The following WWC1 variants were observed in gnomAD, a reference collection of about 807,000 sequenced individuals.
WWC1 encodes the protein WW and C2 domain containing 1, also known as protein KIBRA.
Under a neutral mutation model 138.4 loss-of-function variants are expected in WWC1, and 55 were observed. That is an observed-to-expected ratio of 0.40 (90% CI 0.32 to 0.50). The LOEUF is 0.50. Ranked by LOEUF, WWC1 falls within the 20% of genes least tolerant of loss-of-function variation. WWC1 has a pLI of 0.72. For synonymous variants in WWC1, 524 were observed against 564.9 expected (o/e 0.93, Z 1.03); for missense variants, 1,226 against 1,420.4 (o/e 0.86, Z 2.20).
At chr5:168,355,831 A>C (rs1245105215) in intron 1 of WWC1, among the ~76,000 whole-genome samples, 1 of 152,014 alleles carries the variant, frequency 6.6e-6, no homozygotes, top group Non-Finnish European at 1.5e-5. Context: ...AGGTAGAAAA[A>C]CTGAGAAAAT....
At chr5:168,294,199 G>C (rs1769319564) in intron 1 of WWC1, among the ~76,000 whole-genome samples, 1 of 152,152 alleles carries the variant, frequency 6.6e-6, no homozygotes, top group Non-Finnish European at 1.5e-5. Flanking sequence ...GGGTAAGTAA[G>C]TAGCTTCTAT....
intron 17 of WWC1, among the ~76,000 whole-genome samples, chr5:168,448,560 G>T (rs571660758): frequency 2.0e-5 from 3 of 151,618 alleles, no homozygotes; most frequent in Non-Finnish European, 4.4e-5. Context: ...TTGCTGGATC[G>T]CAGGGTGTGT....
chr5:168,359,226 T>C (rs919545797), intron 1 of WWC1, among the ~76,000 whole-genome samples: 1 of 152,096 alleles, frequency 6.6e-6, no homozygotes, highest in Non-Finnish European at 1.5e-5. Flanking sequence ...TGGCTAATTT[T>C]TTTGTATTGG....
intron 13 of WWC1, among the ~76,000 whole-genome samples, chr5:168,429,929 G>A (rs550679820): frequency 2.6e-5 from 4 of 151,984 alleles, no homozygotes; most frequent in Non-Finnish European, 5.9e-5. Flanking sequence ...GTGAGACCCT[G>A]TTTCAAAACA....
rs539408200 is a variant in WWC1 at position 168,446,270 on chromosome 5, A to G, written c.2525+1685A>G. ...AAAAAAAAAAAAAAAAAGGTTAGCA[A>G]GTGTTTCAGCAATGTTGAAGACATG... On this transcript the variant is annotated intron_variant, in intron 17 of 22. Transcript: ENST00000265293. Among the ~76,000 whole-genome samples the G allele has an allele frequency of 1.1e-3, 159 of 147,698 alleles. 8 individuals carry two copies. In the South Asian group the frequency reaches 0.033, roughly 31 times the overall value.
intron 1 of WWC1, among the ~76,000 whole-genome samples, chr5:168,319,036 G>A (rs184332107): frequency 1.6e-3 from 249 of 152,300 alleles, no homozygotes; most frequent in African/African-American, 5.5e-3. Flanking sequence ...TATACACGAC[G>A]TCTTGTTAAT....
chr5:168,382,680 C>T (rs1777738926), intron 2 of WWC1, among the ~76,000 whole-genome samples: 1 of 152,108 alleles, frequency 6.6e-6, no homozygotes, highest in Admixed American at 6.6e-5. Flanking sequence ...TTTACAAATT[C>T]CATCTCCGCC....
intron 1 of WWC1, among the ~76,000 whole-genome samples, chr5:168,369,201 G>A (rs1364186195): frequency 6.6e-6 from 1 of 152,136 alleles, no homozygotes; most frequent in East Asian, 1.9e-4. Flanking sequence ...TGATTTTTGA[G>A]TGCCCATTCA....
At chr5:168,306,771 A>T (rs971423014) in intron 1 of WWC1, among the ~76,000 whole-genome samples, 5 of 151,744 alleles carry the variant, frequency 3.3e-5, no homozygotes, top group Non-Finnish European at 7.4e-5. Flanking sequence ...TAATTTTTGT[A>T]TTTTTAGTAG....
chr5:168,353,805 C>T (rs1488638309), intron 1 of WWC1, among the ~76,000 whole-genome samples: 1 of 152,220 alleles, frequency 6.6e-6, no homozygotes, highest in South Asian at 2.1e-4. Context: ...CTCTACAGAA[C>T]CTCCTGGGAG....
intron 3 of WWC1, among the ~76,000 whole-genome samples, chr5:168,393,723 A>G (rs1778676614): frequency 6.6e-6 from 1 of 152,122 alleles, no homozygotes; most frequent in Non-Finnish European, 1.5e-5. Flanking sequence ...GGCGGATCTC[A>G]GGAAGCCAGC....
intron 1 of WWC1, among the ~76,000 whole-genome samples, chr5:168,342,057 G>A (rs1158378436): frequency 1.3e-5 from 2 of 152,170 alleles, no homozygotes; most frequent in Non-Finnish European, 2.9e-5. Flanking sequence ...TGTCCAGAGC[G>A]CTGGTTCCAA....
At chr5:168,386,317 G>C (rs1013936403) in intron 3 of WWC1, among the ~76,000 whole-genome samples, 1 of 150,906 alleles carries the variant, frequency 6.6e-6, no homozygotes, top group Non-Finnish European at 1.5e-5. Flanking sequence ...TCAGAGTGGG[G>C]CTCCTATCCT....
intron 8 of WWC1, chr5:168,411,916 A>C: frequency 1.0e-6 from 1 of 956,486 alleles, no homozygotes; most frequent in Non-Finnish European, 1.2e-6. Context: ...GTGATTTCCC[A>C]AAGACAAATT....
At chr5:168,322,417 A>C (rs1772191197) in intron 1 of WWC1, among the ~76,000 whole-genome samples, 1 of 152,214 alleles carries the variant, frequency 6.6e-6, no homozygotes, top group East Asian at 1.9e-4. Context: ...TATATCGACA[A>C]ACAGGTGTGG....
At chr5:168,468,318 C>T (rs1757468200) in intron 22 of WWC1, among the ~76,000 whole-genome samples, 2 of 152,056 alleles carry the variant, frequency 1.3e-5, no homozygotes, top group Non-Finnish European at 2.9e-5. Flanking sequence ...CTGGGCCTCC[C>T]TGGCTCTGCC....
At chr5:168,357,524 G>C (rs1775551879) in intron 1 of WWC1, among the ~76,000 whole-genome samples, 1 of 150,704 alleles carries the variant, frequency 6.6e-6, no homozygotes, top group African/African-American at 2.4e-5. Flanking sequence ...GTGCGTGCAT[G>C]CCAGGGTATT....
intron 17 of WWC1, among the ~76,000 whole-genome samples, chr5:168,451,116 T>C (rs1755774900): frequency 6.6e-6 from 1 of 152,090 alleles, no homozygotes; most frequent in African/African-American, 2.4e-5. Flanking sequence ...CCTCCCGGAT[T>C]CAAGCGATTC....
Position 168,443,989 on chromosome 5 carries a change from C to A in WWC1, c.2434-505C>A, listed in dbSNP as rs113658653. 9.4e-3 allele frequency among the ~76,000 whole-genome samples: 1,426 copies of A among 152,314 alleles called. 19 individuals carry two copies. Among genetic ancestry groups the A allele is most frequent in the African/African-American group, 0.033 (1,363 of 41,564 alleles). The stretch of plus-strand genomic sequence containing the variant: ...GAGAGTTTAAATAATTTCCTCAAGT[C>A]ACATGGGCTTTTTCACTGTAGATAC... On this transcript the variant is annotated intron_variant, in intron 16 of 22. Coordinates refer to ENST00000265293, the MANE Select transcript of WWC1 (RefSeq NM_015238.3).
Sources: gnomAD v4.1 joint callset for allele counts (sites outside exome capture counted in the v4.1 genomes callset) on GRCh38, gnomAD v4.1.1 for gene constraint, MANE v1.5 for transcripts, NCBI Gene and HGNC (gene_info 2026-07-23, HGNC 2026-07-21) for gene names.